SPRED3: variants seen among roughly 807,000 people sequenced by gnomAD.
SPRED3 encodes sprouty-related, EVH1 domain-containing protein 3.
SPRED3 carries 23 observed loss-of-function variants against 37.6 expected under a neutral mutation model. The observed-to-expected ratio is 0.61, with a 90% CI of 0.44 to 0.87. The LOEUF is 0.87. SPRED3 is among the 40% of genes least tolerant of loss of function. SPRED3 has a pLI of 0.00. For missense variants in SPRED3, 584 were observed against 618.6 expected, an observed-to-expected ratio of 0.94 and a Z score of 0.59; for synonymous variants, 302 against 279.6, an observed-to-expected ratio of 1.08 and a Z score of -0.80.
intron 3 of SPRED3, 44 bp from the exon 4 acceptor site, chr19:38,392,168 G>A (rs2145154249): frequency 6.2e-7 from 1 of 1,608,498 alleles, no homozygotes. Flanking sequence ...GGGAGGAGAA[G>A]CTGGGCTCAA....
At chr19:38,392,858 T>C (rs1022777924) in intron 4 of SPRED3, among the ~76,000 whole-genome samples, 4 of 152,182 alleles carry the variant, frequency 2.6e-5, no homozygotes, top group Admixed American at 2.6e-4. Context: ...AGCTTCTCAC[T>C]GTCAACTCCT....
chr19:38,393,382 C>CTGTT (rs1435839566), intron 4 of SPRED3, among the ~76,000 whole-genome samples: 2 of 136,912 alleles, frequency 1.5e-5, no homozygotes, highest in African/African-American at 5.5e-5. Context: ...GAATCTTGCA[C>CTGTT]TGTTGCCCAG....
intron 4 of SPRED3, among the ~76,000 whole-genome samples, chr19:38,393,482 G>A (rs1206596028): frequency 1.3e-5 from 2 of 151,492 alleles, no homozygotes; most frequent in Admixed American, 6.6e-5. Flanking sequence ...CAAACAGCTG[G>A]GATTACAGGC....
At position 38,395,547 on chromosome 19, in the gene SPRED3, G is replaced by T; in HGVS notation, c.635G>T (p.Gly212Val). 1.9e-6 allele frequency: 3 copies of T among 1,553,790 alleles called. No individual in the cohort carries two copies. The highest frequency in any genetic ancestry group is 1.2e-5 in the South Asian group (1 of 83,146). The part of the protein sequence containing the change: ...EPSEPLAGAG[G>V]LGWGGRGYED... ...TCAGAGCCCCTGGCAGGGGCAGGGG[G>T]CCTGGGGTGGGGCGGCCGCGGCTAC... Residue 212 changes from glycine (G) to valine (V), a missense_variant, in exon 6 of 6, where the codon GGC becomes GTC. Around this residue, in one of 7 missense-constraint regions of SPRED3, gnomAD observed 310 missense variants for 281.1 expected, o/e 1.10. Coordinates refer to ENST00000691638, the MANE Select transcript of SPRED3 (RefSeq NM_001394336.1). This position sits in a 1 kb window ranked among gnomAD's most constrained non-coding sequence, Gnocchi z 5.2.
In SPRED3 at chr19:38,396,771, C is replaced by T. The variant is rs555410367; in HGVS notation, c.*626C>T. 14 of 152,230 alleles carry T rather than the reference C, an allele frequency of 9.2e-5. No homozygotes were observed. Among genetic ancestry groups the T allele is most frequent in the African/African-American group, 3.4e-4 (14 of 41,528 alleles). 9.4% of individuals were successfully genotyped at this position (152,230 alleles called of 1,614,324 possible). ...AAACTCTGTTATGCTCTGGAATCTC[C>T]AGATGCTGCCCCTCAAATCTACCCA... On this transcript the variant is annotated 3_prime_UTR_variant, in exon 6 of 6. Transcript: ENST00000691638.
Position 38,392,041 on chromosome 19 carries a change from G to A in SPRED3, c.273G>A (p.Leu91=). The A allele has an allele frequency of 6.2e-7, 1 of 1,614,196 alleles. No individual in the cohort carries two copies. The highest frequency in any genetic ancestry group is 1.1e-5 in the South Asian group (1 of 91,084). The change falls in exon 3 of 6, where the codon CTG becomes CTA. Residue 91 remains leucine, a synonymous_variant. Transcript: ENST00000691638. ...HWSLGDCKFG[L]TFQSPAEADE... Reference sequence around the variant, plus strand: ...GCCTGGGTGACTGCAAGTTTGGACTGACGTTTCAGAGCCCTGCAGAGGCTG... The same window carrying A: ...GCCTGGGTGACTGCAAGTTTGGACTAACGTTTCAGAGCCCTGCAGAGGCTG...
intron 1 of SPRED3, 44 bp downstream of exon 1, chr19:38,388,851 C>A: frequency 2.5e-6 from 1 of 396,828 alleles, no homozygotes; most frequent in South Asian, 1.3e-4. Flanking sequence ...GACAGACTGC[C>A]TGCCCCGATG....
At chr19:38,391,012 G>C (rs914453856) in intron 2 of SPRED3, among the ~76,000 whole-genome samples, 2 of 152,022 alleles carry the variant, frequency 1.3e-5, no homozygotes, top group Non-Finnish European at 2.9e-5. Context: ...TTTCAGCTAG[G>C]GATGTAGTAG....
chr19:38,395,669 G>C lies in SPRED3; in HGVS notation c.757G>C (p.Gly253Arg), dbSNP rs746498952. 1.3e-6 allele frequency: 2 copies of C among 1,508,760 alleles called. No homozygotes were observed. The highest frequency in any genetic ancestry group is 1.8e-6 in the Non-Finnish European group (2 of 1,140,406). 93.5% of individuals were successfully genotyped at this position (1,508,760 alleles called of 1,614,324 possible). A position where few individuals can be genotyped will look rare whatever the true frequency, so the allele number is the denominator to read the frequency against. ...KTGALRGAAL[G>R]PPAALPAPLT... ...CGGCGCGTTGAGGGGCGCTGCCCTG[G>C]GTCCCCCAGCGGCACTACCTGCCCC... Residue 253 changes from glycine (G) to arginine (R), a missense_variant, in exon 6 of 6, where the codon GGT (glycine) becomes CGT (arginine). By Grantham distance (125) the Gly-to-Arg change is moderately radical. Coordinates refer to ENST00000691638, the MANE Select transcript of SPRED3 (RefSeq NM_001394336.1). The surrounding 1 kb of genome is among the most constrained non-coding windows in gnomAD (Gnocchi z 5.2).
Position 38,395,845 on chromosome 19 carries a change from T to C in SPRED3, c.933T>C (p.Arg311=), listed in dbSNP as rs1230334695. 24 of 1,473,682 alleles carry C rather than the reference T, an allele frequency of 1.6e-5. No homozygotes were observed. The highest frequency in any genetic ancestry group is 2.1e-5 in the Non-Finnish European group (24 of 1,121,094). The allele number at this position is 1,473,682 out of a possible 1,614,324, so 91.3% of individuals were successfully genotyped here. A position where few individuals can be genotyped will look rare whatever the true frequency, so the allele number is the denominator to read the frequency against. Reference sequence around the variant, plus strand: ...TCTTCCGTCGCAGAGCAGACGGGCGTGGCGGCCGCTGCGCAGAGGCCCCGG... The same window carrying C: ...TCTTCCGTCGCAGAGCAGACGGGCGCGGCGGCCGCTGCGCAGAGGCCCCGG... The part of the protein sequence containing the change: ...RALFRRRADG[R]GGRCAEAPDP... Residue 311 remains arginine, a synonymous_variant, in exon 6 of 6, where the codon CGT becomes CGC. Coordinates refer to ENST00000691638, the MANE Select transcript of SPRED3 (RefSeq NM_001394336.1). The surrounding 1 kb of genome is among the most constrained non-coding windows in gnomAD (Gnocchi z 5.2).
rs1267620396 is a variant in SPRED3, at chr19:38,398,305, C to T, written c.*2160C>T. ...AGGCTGGAGTGCAGTGGCACAATCTCGGCTCACCACAACCTCCCCCTCCCG... is the reference window on the plus strand; with the variant it reads ...AGGCTGGAGTGCAGTGGCACAATCTTGGCTCACCACAACCTCCCCCTCCCG... On this transcript the variant is annotated 3_prime_UTR_variant, in exon 6 of 6. Transcript: ENST00000691638. 2 of 152,146 alleles carry T rather than the reference C, an allele frequency of 1.3e-5. No homozygotes were observed. Among genetic ancestry groups the T allele is most frequent in the East Asian group, 1.9e-4 (1 of 5,198 alleles). The allele number at this position is 152,146 out of a possible 1,614,324, so 9.4% of individuals were successfully genotyped here.
At position 38,396,416 on chromosome 19, in the gene SPRED3, G is replaced by T. The variant is rs1199119176; in HGVS notation, c.*271G>T. Reference sequence around the variant, plus strand: ...CCCACACCCCACGAGGAGGCTCCAGGCGTCCCCATACTTTGCATCTCAGAA... The same window carrying T: ...CCCACACCCCACGAGGAGGCTCCAGTCGTCCCCATACTTTGCATCTCAGAA... On this transcript the variant is annotated 3_prime_UTR_variant, in exon 6 of 6. Coordinates refer to ENST00000691638, the MANE Select transcript of SPRED3 (RefSeq NM_001394336.1). 1.0e-5 allele frequency: 3 copies of T among 287,558 alleles called. No homozygotes were observed. The highest frequency in any genetic ancestry group is 1.9e-5 in the Non-Finnish European group (3 of 156,436). 17.8% of individuals were successfully genotyped at this position (287,558 alleles called of 1,614,324 possible).
rs768438003 is a variant in SPRED3 at position 38,394,781 on chromosome 19, G to T, written c.562G>T (p.Ala188Ser). 1 of 1,564,944 alleles carries T rather than the reference G, an allele frequency of 6.4e-7. No individual in the cohort carries two copies. The change falls in exon 5 of 6, where the codon GCT becomes TCT. Residue 188 changes from alanine (A) to serine (S), a missense_variant. By Grantham distance (99) the Ala-to-Ser change is moderately conservative. Coordinates refer to ENST00000691638, the MANE Select transcript of SPRED3 (RefSeq NM_001394336.1). ...GCCCCCCCAGCGCCGCCGCTCCTCC[G>T]CTCAGGTGCGACCTGGGAGCCTGGG... ...TTPPQRRRSS[A>S]QSYPPLLPFT...
chr19:38,389,197 G>C (rs1970790547), intron 1 of SPRED3, among the ~76,000 whole-genome samples: 1 of 152,160 alleles, frequency 6.6e-6, no homozygotes. Context: ...CGGGGGAGGC[G>C]GGCGGACAAA....
Position 38,394,674 on chromosome 19 carries a change from A to G in SPRED3, c.455A>G (p.His152Arg). 6.3e-7 allele frequency: 1 copy of G among 1,599,058 alleles called. No individual in the cohort carries two copies. The change falls in exon 5 of 6, where the codon CAC becomes CGC. Residue 152 changes from histidine (H) to arginine (R), a missense_variant. His to Arg is a conservative substitution (Grantham distance 29, BLOSUM62 0). Around this residue, in one of 7 missense-constraint regions of SPRED3, gnomAD observed 310 missense variants for 281.1 expected, o/e 1.10. Transcript: ENST00000691638. ...GTGGACAGCGACTCCTCCTCCAGTC[A>G]CAGCCGCCAGGAGACTCCTCCCAGC... Reference protein sequence around the residue: ...SHVDSDSSSSHSRQETPPSAA... With the variant: ...SHVDSDSSSSRSRQETPPSAA...
In SPRED3 at chr19:38,395,520, C is replaced by G; in HGVS notation, c.608C>G (p.Pro203Arg). The change falls in exon 6 of 6, where the codon CCC (proline) becomes CGC (arginine). Residue 203 changes from proline to arginine, a missense_variant. Transcript: ENST00000691638. This position sits in a 1 kb window ranked among gnomAD's most constrained non-coding sequence, Gnocchi z 5.2. ...PLLPFTGIPE[P>R]SEPLAGAGGL... ...CTACCGTTCACGGGGATTCCGGAAC[C>G]CTCAGAGCCCCTGGCAGGGGCAGGG... The G allele has an allele frequency of 6.5e-7, 1 of 1,534,920 alleles. No homozygotes were observed. Among genetic ancestry groups the G allele is most frequent in the South Asian group, 1.2e-5 (1 of 80,704 alleles).
chr19:38,388,795 C>G lies in SPRED3; in HGVS notation c.-17C>G, dbSNP rs904959032. 2.5e-6 allele frequency: 1 copy of G among 398,154 alleles called. No individual in the cohort carries two copies. Among genetic ancestry groups the G allele is most frequent in the Middle Eastern group, 6.3e-4 (1 of 1,588 alleles). 24.7% of individuals were successfully genotyped at this position (398,154 alleles called of 1,614,324 possible). A position where few individuals can be genotyped will look rare whatever the true frequency, so the allele number is the denominator to read the frequency against. ...GCGTCGCCGCCGCTCGGAGCCCGGC[C>G]GGAGCCTCGCAGGCAGGTGCCGAGG... On this transcript the variant is annotated 5_prime_UTR_variant, in exon 1 of 6. Transcript: ENST00000691638.
intron 1 of SPRED3, chr19:38,390,052 G>A: frequency 2.7e-6 from 1 of 374,532 alleles, no homozygotes; most frequent in Non-Finnish European, 4.7e-6. Context: ...GGTGGGTACA[G>A]AGAGAAAGGG....
intron 4 of SPRED3, among the ~76,000 whole-genome samples, chr19:38,393,694 G>C (rs926280265): frequency 2.6e-5 from 4 of 152,132 alleles, no homozygotes; most frequent in African/African-American, 9.7e-5. Context: ...GGCCGGCAAG[G>C]ATCTTTTGTT....
Sources: gnomAD v4.1 joint callset for allele counts (sites outside exome capture counted in the v4.1 genomes callset) on GRCh38, gnomAD v4.1.1 for gene constraint, gnomAD v4.1.1 regional missense constraint, Gnocchi (gnomAD v3.1) non-coding constraint, MANE v1.5 for transcripts, NCBI Gene and HGNC (gene_info 2026-07-23, HGNC 2026-07-21) for gene names.